The following DMD variants were observed in gnomAD, a reference collection of about 807,000 sequenced individuals.
The protein encoded by DMD is dystrophin, also known as mutant dystrophin.
Under a neutral mutation model 330.1 loss-of-function variants are expected in DMD, and 63 were observed. The observed-to-expected ratio is 0.19, with a 90% CI of 0.16 to 0.24. The LOEUF is 0.24. DMD is among the 10% of genes least tolerant of loss of function. DMD has a pLI of 1.00. For synonymous variants in DMD, 1,223 were observed against 959.8 expected (o/e 1.27, Z -5.07); for missense variants, 3,344 against 2,684.1 (o/e 1.25, Z -5.43).
At chrX:31,510,101 A>C (rs1404127096) in intron 55 of DMD, among the ~76,000 whole-genome samples, 4 of 112,129 alleles carry the variant, frequency 3.6e-5, no homozygotes, top group African/African-American at 1.3e-4. Flanking sequence ...TGTACAGTAA[A>C]GGGCTTTACA....
intron 7 of DMD, among the ~76,000 whole-genome samples, chrX:32,745,788 C>A (rs2069913827): frequency 8.9e-6 from 1 of 112,269 alleles, no homozygotes; most frequent in Non-Finnish European, 1.9e-5. Context: ...AATTCAGTTT[C>A]ACTATGATCA....
chrX:32,704,381 T>G (rs937335449), intron 7 of DMD, among the ~76,000 whole-genome samples: 1 of 98,762 alleles, frequency 1.0e-5, no homozygotes, highest in African/African-American at 5.3e-5. Context: ...AAAACTAATC[T>G]TGGGCAGTCA....
intron 62 of DMD, among the ~76,000 whole-genome samples, chrX:31,287,846 A>G (rs1030420326): frequency 6.2e-5 from 7 of 112,163 alleles, no homozygotes; most frequent in Non-Finnish European, 1.3e-4. Flanking sequence ...TCTCATTTAT[A>G]TAACATGAGG....
intron 9 of DMD, among the ~76,000 whole-genome samples, chrX:32,672,502 A>C (rs747112197): frequency 9.0e-6 from 1 of 111,009 alleles, no homozygotes; most frequent in Non-Finnish European, 1.9e-5. Flanking sequence ...CATCCTTATG[A>C]AGGAATCTTG....
chrX:32,570,112 C>T (rs1279633517), intron 15 of DMD, among the ~76,000 whole-genome samples: 1 of 111,374 alleles, frequency 9.0e-6, no homozygotes, highest in African/African-American at 3.3e-5. Context: ...CAATGGCAAG[C>T]AGGACACAAT....
chrX:32,127,468 T>A (rs1378142926), intron 44 of DMD, among the ~76,000 whole-genome samples: 1 of 111,227 alleles, frequency 9.0e-6, no homozygotes, highest in Non-Finnish European at 1.9e-5. Flanking sequence ...ACAGCTGGCC[T>A]AATCACATTT....
chrX:32,701,561 C>G (rs1328582625), intron 7 of DMD, among the ~76,000 whole-genome samples: 1 of 111,086 alleles, frequency 9.0e-6, no homozygotes, highest in Non-Finnish European at 1.9e-5. Flanking sequence ...TATACTTCAC[C>G]GTATCTTGAA....
chrX:32,597,033 C>T (rs2055633485), intron 12 of DMD, among the ~76,000 whole-genome samples: 1 of 111,716 alleles, frequency 9.0e-6, no homozygotes, highest in African/African-American at 3.3e-5. Context: ...GTATACCATT[C>T]TCGCCCTCAC....
chrX:31,818,483 G>T (rs1217229604), intron 50 of DMD, among the ~76,000 whole-genome samples: 1 of 111,002 alleles, frequency 9.0e-6, no homozygotes, highest in East Asian at 2.8e-4. Context: ...GTGTAACGTG[G>T]CTTATATGGG....
chrX:32,884,125 T>A (rs1266430964), intron 2 of DMD, among the ~76,000 whole-genome samples: 1 of 111,167 alleles, frequency 9.0e-6, no homozygotes, highest in Non-Finnish European at 1.9e-5. Flanking sequence ...AGACTAGTCT[T>A]GACCCCAGAC....
intron 61 of DMD, among the ~76,000 whole-genome samples, chrX:31,340,408 A>G (rs1391298423): frequency 8.9e-6 from 1 of 112,717 alleles, no homozygotes; most frequent in African/African-American, 3.2e-5. Context: ...TTTTTCCATT[A>G]CAAAGGTAGT....
chrX:32,336,833 T>C lies in DMD; in HGVS notation c.5922+5267A>G, dbSNP rs897398657. 4.5e-5 allele frequency among the ~76,000 whole-genome samples: 5 copies of C among 111,423 alleles called. No individual in the cohort carries two copies. The Admixed American group carries it at 4.8e-4, about 11-fold the overall frequency. ...GATACTGATATGGAAATGAAATTGG[T>C]TGTGTTTAAGTATAGAAAAGAAACC... On this transcript the variant is annotated intron_variant, in intron 41 of 78. Transcript: ENST00000357033.
At chrX:31,748,469 C>A (rs1315430972) in intron 51 of DMD, among the ~76,000 whole-genome samples, 2 of 111,834 alleles carry the variant, frequency 1.8e-5, no homozygotes, top group Admixed American at 9.5e-5. Context: ...ATAGTAATAT[C>A]TGCCCCTAAT....
chrX:31,363,305 AAAAACT>A (rs923116710), intron 60 of DMD, among the ~76,000 whole-genome samples: 4 of 111,076 alleles, frequency 3.6e-5, no homozygotes, highest in African/African-American at 1.3e-4. Context: ...ATATAAGAAC[AAAAACT>A]ATCAAGAATG....
At chrX:31,898,173 C>T (rs1282977507) in intron 47 of DMD, among the ~76,000 whole-genome samples, 75 of 110,294 alleles carry the variant, frequency 6.8e-4, no homozygotes, top group Non-Finnish European at 1.1e-3. Context: ...GAATCAATAT[C>T]GTGAAAATGG....
chrX:31,749,231 A>G (rs1420733194), intron 51 of DMD, among the ~76,000 whole-genome samples: 94 of 106,620 alleles, frequency 8.8e-4, no homozygotes, highest in Admixed American at 1.8e-3. Flanking sequence ...CCATGCTGGC[A>G]CGCTGCACCC....
Position 32,063,532 on chromosome X carries a change from CCA to C in DMD, c.6439-95020_6439-95019del, listed in dbSNP as rs1359954165. On this transcript the variant is annotated intron_variant, in intron 44 of 78. Transcript: ENST00000357033. The stretch of plus-strand genomic sequence containing the variant: ...TCTCGATTATTTGTTTCATTTATTT[CCA>C]CACTCCAAAAAGTCTAGATCCACAA... 3.6e-5 allele frequency among the ~76,000 whole-genome samples: 4 copies of C among 111,000 alleles called. No homozygotes were observed. The East Asian group carries it at 8.5e-4, about 24-fold the overall frequency.
At chrX:31,266,813 T>C in intron 62 of DMD, 1 of 1,203,035 alleles carries the variant, frequency 8.3e-7, no homozygotes, top group Non-Finnish European at 1.1e-6. Context: ...CACTTACCCT[T>C]TGAGCTGTTC....
intron 13 of DMD, among the ~76,000 whole-genome samples, chrX:32,577,844 C>T (rs967095025): frequency 1.8e-5 from 2 of 112,239 alleles, no homozygotes; most frequent in Admixed American, 9.4e-5. Context: ...TCAGTGTAAG[C>T]GGAAAAGTGA....
Sources: gnomAD v4.1 joint callset for allele counts (sites outside exome capture counted in the v4.1 genomes callset) on GRCh38, gnomAD v4.1.1 for gene constraint, MANE v1.5 for transcripts, NCBI Gene and HGNC (gene_info 2026-07-23, HGNC 2026-07-21) for gene names.